TBC1D22A: variants seen among roughly 807,000 people sequenced by gnomAD.
TBC1D22A encodes putative GTPase activator.
Under a neutral mutation model 60.2 loss-of-function variants are expected in TBC1D22A, and 38 were observed. That is an observed-to-expected ratio of 0.63 (90% CI 0.49 to 0.83). The LOEUF (loss-of-function observed/expected upper bound fraction) is 0.83, where lower values mean the gene tolerates loss of function less well. TBC1D22A is among the 40% of genes least tolerant of loss of function. The pLI is 0.00. For synonymous variants in TBC1D22A, 302 were observed against 281.7 expected, an observed-to-expected ratio of 1.07 and a Z score of -0.72; for missense variants, 628 against 701.0, an observed-to-expected ratio of 0.90 and a Z score of 1.18.
At chr22:46,800,518 C>T (rs530582861) in intron 4 of TBC1D22A, among the ~76,000 whole-genome samples, 2 of 152,286 alleles carry the variant, frequency 1.3e-5, no homozygotes, top group East Asian at 3.9e-4. Flanking sequence ...AGAGTGGGTC[C>T]TGGAGCCGGG....
At chr22:46,881,986 C>T (rs1203628476) in intron 5 of TBC1D22A, among the ~76,000 whole-genome samples, 1 of 152,156 alleles carries the variant, frequency 6.6e-6, no homozygotes, top group Non-Finnish European at 1.5e-5. Context: ...CTCAGCCAGG[C>T]CCTCTGCAGG....
intron 8 of TBC1D22A, 97 bp downstream of exon 8, chr22:46,912,285 A>G: frequency 1.2e-6 from 1 of 806,096 alleles, no homozygotes; most frequent in Non-Finnish European, 2.0e-6. Flanking sequence ...TACTAAGTGT[A>G]ATGTTATTAA....
intron 12 of TBC1D22A, among the ~76,000 whole-genome samples, chr22:47,153,650 G>A (rs1315941644): frequency 2.0e-5 from 3 of 152,296 alleles, no homozygotes; most frequent in African/African-American, 7.2e-5. Flanking sequence ...AGTGAGCCGG[G>A]AAGCAGGTGC....
intron 11 of TBC1D22A, among the ~76,000 whole-genome samples, chr22:47,061,137 G>A (rs1340869609): frequency 6.7e-6 from 1 of 150,034 alleles, no homozygotes; most frequent in Non-Finnish European, 1.5e-5. Flanking sequence ...GAAAGGTTGA[G>A]CCACGCTGTC....
Position 46,926,613 on chromosome 22 carries a change from C to T in TBC1D22A, c.1015+14425C>T, listed in dbSNP as rs117529898. On this transcript the variant is annotated intron_variant, in intron 8 of 12. Coordinates refer to ENST00000337137, the MANE Select transcript of TBC1D22A (RefSeq NM_014346.5). ...TTTTAGATGTGATTAACATTTAAAT[C>T]GGTGGACTTTGAGTAAAGCAGGTTA... 3.2e-3 allele frequency among the ~76,000 whole-genome samples: 494 copies of T among 152,262 alleles called. 16 individuals carry two copies. The East Asian group carries it at 0.086, about 26-fold the overall frequency.
chr22:47,159,612 A>G (rs2067887926), intron 12 of TBC1D22A, among the ~76,000 whole-genome samples: 1 of 151,930 alleles, frequency 6.6e-6, no homozygotes, highest in South Asian at 2.1e-4. Context: ...ATGTGTACAT[A>G]CACTATACAC....
intron 8 of TBC1D22A, among the ~76,000 whole-genome samples, chr22:46,946,419 T>C (rs548029396): frequency 6.6e-6 from 1 of 152,336 alleles, no homozygotes; most frequent in Admixed American, 6.5e-5. Flanking sequence ...TTCAGGAGGC[T>C]GGTGAGCCTC....
At chr22:46,892,121 G>C (rs2068437854) in intron 6 of TBC1D22A, among the ~76,000 whole-genome samples, 1 of 152,206 alleles carries the variant, frequency 6.6e-6, no homozygotes, top group African/African-American at 2.4e-5. Context: ...AGGTCAAAAT[G>C]GTGGTTCTTA....
intron 4 of TBC1D22A, among the ~76,000 whole-genome samples, chr22:46,857,962 C>T (rs554562970): frequency 1.8e-4 from 28 of 152,218 alleles, no homozygotes; most frequent in African/African-American, 6.7e-4. Context: ...TTTTTGCAGT[C>T]GTGTTTTCCT....
At chr22:46,985,392 T>C (rs918195634) in intron 9 of TBC1D22A, among the ~76,000 whole-genome samples, 5 of 152,068 alleles carry the variant, frequency 3.3e-5, no homozygotes, top group Admixed American at 3.3e-4. Flanking sequence ...AGAGCCCCAG[T>C]CAATAAAATT....
chr22:46,827,861 C>A (rs915125535), intron 4 of TBC1D22A, among the ~76,000 whole-genome samples: 1 of 152,222 alleles, frequency 6.6e-6, no homozygotes, highest in African/African-American at 2.4e-5. Context: ...TCCGCAGGGA[C>A]TGTCTGTCTC....
chr22:46,798,744 A>G (rs548384227), intron 4 of TBC1D22A, among the ~76,000 whole-genome samples: 2 of 152,336 alleles, frequency 1.3e-5, no homozygotes, highest in East Asian at 3.9e-4. Context: ...GTGGCACTCT[A>G]AGAGCCAGAG....
intron 11 of TBC1D22A, among the ~76,000 whole-genome samples, chr22:47,111,075 T>TGG (rs1389206142): frequency 6.6e-6 from 1 of 152,248 alleles, no homozygotes; most frequent in Non-Finnish European, 1.5e-5. Context: ...GCCCAGTGCC[T>TGG]GATCTCCGGC....
chr22:46,796,929 C>T (rs1293304974), intron 3 of TBC1D22A, among the ~76,000 whole-genome samples: 1 of 152,222 alleles, frequency 6.6e-6, no homozygotes, highest in African/African-American at 2.4e-5. Context: ...GTTGGGCACG[C>T]TCTTGAGATG....
chr22:46,821,128 CTT>C (rs1214559641), intron 4 of TBC1D22A, among the ~76,000 whole-genome samples: 17 of 139,776 alleles, frequency 1.2e-4, no homozygotes, highest in African/African-American at 4.6e-4. Flanking sequence ...CTGTGTGTGT[CTT>C]TGTGTGTAAG....
At chr22:47,109,925 C>T (rs1179706326) in intron 11 of TBC1D22A, among the ~76,000 whole-genome samples, 2 of 152,216 alleles carry the variant, frequency 1.3e-5, no homozygotes, top group Non-Finnish European at 2.9e-5. Context: ...TCTCCTGGTT[C>T]CACCTCTCCC....
intron 4 of TBC1D22A, among the ~76,000 whole-genome samples, chr22:46,841,031 ATGAG>A (rs1371585140): frequency 6.8e-6 from 1 of 148,084 alleles, no homozygotes; most frequent in Non-Finnish European, 1.5e-5. Flanking sequence ...CGATGAATGA[ATGAG>A]TAATGAAAAT....
chr22:47,014,174 C>G (rs1008415227), intron 10 of TBC1D22A, among the ~76,000 whole-genome samples: 5 of 152,228 alleles, frequency 3.3e-5, no homozygotes, highest in Non-Finnish European at 7.3e-5. Flanking sequence ...CCGGGCTACC[C>G]CTGGCTTTCT....
intron 10 of TBC1D22A, among the ~76,000 whole-genome samples, chr22:47,029,651 G>A (rs540290523): frequency 3.5e-4 from 53 of 152,362 alleles, no homozygotes; most frequent in Admixed American, 7.8e-4. Flanking sequence ...GCCGCTTCTG[G>A]GGCGGGGATG....
Sources: gnomAD v4.1 joint callset for allele counts (sites outside exome capture counted in the v4.1 genomes callset) on GRCh38, gnomAD v4.1.1 for gene constraint, MANE v1.5 for transcripts, NCBI Gene and HGNC (gene_info 2026-07-23, HGNC 2026-07-21) for gene names.